The following HELZ variants were observed in gnomAD, a reference collection of about 807,000 sequenced individuals.
HELZ encodes the protein ATP-dependent RNA helicase with zinc finger domain.
A neutral mutation model predicts 218.2 loss-of-function variants in HELZ; 23 were observed. That is an observed-to-expected ratio of 0.11 (90% CI 0.08 to 0.15). The LOEUF (loss-of-function observed/expected upper bound fraction) is 0.15, where lower values mean the gene tolerates loss of function less well. Among genes scored for constraint, HELZ ranks in the 10% least tolerant of loss-of-function variants. The probability of loss-of-function intolerance (pLI) is 1.00; values close to 1 mark genes in which losing one functional copy is unlikely to be tolerated. For missense variants in HELZ, 1,813 were observed against 2,353.7 expected, an observed-to-expected ratio of 0.77 and a Z score of 4.75; for synonymous variants, 814 against 829.4, an observed-to-expected ratio of 0.98 and a Z score of 0.32.
chr17:67,133,227 C>T (rs2038041325), intron 23 of HELZ, among the ~76,000 whole-genome samples: 1 of 152,038 alleles, frequency 6.6e-6, no homozygotes, highest in Non-Finnish European at 1.5e-5. Flanking sequence ...TATACCTTGA[C>T]ACTTCCCAGC....
chr17:67,114,342 CT>C lies in HELZ; in HGVS notation c.3899del (p.Lys1300SerfsTer43). 3 of 1,610,480 alleles carry C rather than the reference CT, an allele frequency of 1.9e-6. No homozygotes were observed. The highest frequency in any genetic ancestry group is 1.3e-5 in the African/African-American group (1 of 74,932). Reference protein sequence around the residue: ...EINKIRTPEKKPTEPKQVDLE... With the variant: ...EINKIRTPEKXPTEPKQVDLE... ...AGCATACCTGTTTTGGTTCTGTTGG[CT>C]TTTTCTCTGGTGTTCGAATCTTATT... On this transcript the variant is annotated frameshift_variant, in exon 28 of 33. Coordinates refer to ENST00000358691, the MANE Select transcript of HELZ (RefSeq NM_014877.4). LOFTEE classifies it high-confidence loss of function.
intron 5 of HELZ, among the ~76,000 whole-genome samples, chr17:67,203,974 A>G (rs1056140608): frequency 6.6e-6 from 1 of 152,226 alleles, no homozygotes; most frequent in African/African-American, 2.4e-5. Context: ...TGCAGATTTA[A>G]TCTAATACAA....
rs561570887 is a variant in HELZ at position 67,213,791 on chromosome 17, A to G, written c.247+2108T>C. On this transcript the variant is annotated intron_variant, in intron 5 of 32. Transcript: ENST00000358691. Reference sequence around the variant, plus strand: ...ACTAGAACCACCTAAATGCCCATCAATACGGGAATGGTTGAATAAATAGCA... The same window carrying G: ...ACTAGAACCACCTAAATGCCCATCAGTACGGGAATGGTTGAATAAATAGCA... 2.0e-5 allele frequency among the ~76,000 whole-genome samples: 3 copies of G among 152,318 alleles called. No individual in the cohort carries two copies. The South Asian group carries it at 6.2e-4, about 32-fold the overall frequency.
chr17:67,226,710 G>A (rs1487748043), intron 3 of HELZ, among the ~76,000 whole-genome samples: 4 of 152,038 alleles, frequency 2.6e-5, no homozygotes, highest in African/African-American at 9.7e-5. Flanking sequence ...GTTCATAACA[G>A]TTCTATTCAT....
chr17:67,231,211 G>A (rs1280537607), intron 3 of HELZ, among the ~76,000 whole-genome samples: 2 of 152,300 alleles, frequency 1.3e-5, no homozygotes, highest in South Asian at 2.1e-4. Context: ...ATTCATTGCA[G>A]GATTCTGGAT....
At chr17:67,205,233 G>C (rs887364311) in intron 5 of HELZ, among the ~76,000 whole-genome samples, 2 of 151,900 alleles carry the variant, frequency 1.3e-5, no homozygotes, top group African/African-American at 4.8e-5. Flanking sequence ...GGCTGAGGCA[G>C]GAGAACCGCT....
intron 4 of HELZ, 63 bp from the exon 5 acceptor site, chr17:67,215,998 G>C: frequency 1.1e-6 from 1 of 932,124 alleles, no homozygotes; most frequent in Non-Finnish European, 1.7e-6. Context: ...CAGAGATGTT[G>C]TCAAAGGGAA....
At chr17:67,155,307 G>A (rs544866909) in intron 17 of HELZ, among the ~76,000 whole-genome samples, 1 of 152,126 alleles carries the variant, frequency 6.6e-6, no homozygotes, top group Non-Finnish European at 1.5e-5. Context: ...GGAGGAGCAA[G>A]TGAAATCCAG....
intron 16 of HELZ, 107 bp downstream of exon 16, chr17:67,160,790 T>G (rs2038973281): frequency 5.1e-6 from 4 of 785,276 alleles, no homozygotes; most frequent in East Asian, 2.8e-5. Context: ...TTTTTCATGT[T>G]TAAGAGCTGC....
Position 67,108,748 on chromosome 17 carries a change from AT to A in HELZ, c.4490-23del. The A allele has an allele frequency of 6.6e-7, 1 of 1,523,620 alleles. No individual in the cohort carries two copies. The allele number at this position is 1,523,620 out of a possible 1,614,324, so 94.4% of individuals were successfully genotyped here. On this transcript the variant is annotated intron_variant, in intron 29 of 32. Transcript: ENST00000358691. This position sits in a 1 kb window ranked among gnomAD's most constrained non-coding sequence, Gnocchi z 4.1. ...CGATCTGCAAAAATATTTGTGAAAA[AT>A]TTTTTATGAATTTGGGGTTTCAAGT...
At chr17:67,217,930 G>GTTTT (rs1316743927) in intron 4 of HELZ, among the ~76,000 whole-genome samples, 1 of 134,818 alleles carries the variant, frequency 7.4e-6, no homozygotes. Flanking sequence ...GTTTTTTGTT[G>GTTTT]TTTTTTTTTT....
chr17:67,082,105 G>A (rs1228535445), intron 32 of HELZ, among the ~76,000 whole-genome samples: 2 of 152,128 alleles, frequency 1.3e-5, no homozygotes, highest in African/African-American at 2.4e-5. Flanking sequence ...AAAACTATCC[G>A]GCTCCCCTCA....
In HELZ at chr17:67,070,700, C is replaced by T. The variant is rs1004327911; in HGVS notation, c.*7552G>A. On this transcript the variant is annotated 3_prime_UTR_variant, in exon 33 of 33. Coordinates refer to ENST00000358691, the MANE Select transcript of HELZ (RefSeq NM_014877.4). ...GTGGCTTTGGGGTTATTTTATGGTACAAAGTCACTTTTACTTTTAAGGATA... is the reference window on the plus strand; with the variant it reads ...GTGGCTTTGGGGTTATTTTATGGTATAAAGTCACTTTTACTTTTAAGGATA... 6.6e-6 allele frequency: 1 copy of T among 152,032 alleles called. No individual in the cohort carries two copies. The highest frequency in any genetic ancestry group is 2.4e-5 in the African/African-American group (1 of 41,398). The allele number at this position is 152,032 out of a possible 1,614,324, so 9.4% of individuals were successfully genotyped here. A position where few individuals can be genotyped will look rare whatever the true frequency, so the allele number is the denominator to read the frequency against.
chr17:67,148,135 C>T (rs886865742), intron 20 of HELZ, among the ~76,000 whole-genome samples: 4 of 152,134 alleles, frequency 2.6e-5, no homozygotes, highest in Admixed American at 6.5e-5. Flanking sequence ...CTTGTGACTG[C>T]TGGGGGGCCG....
At chr17:67,215,859 T>C (rs2040586082) in intron 5 of HELZ, 40 bp downstream of exon 5, 2 of 1,318,932 alleles carry the variant, frequency 1.5e-6, no homozygotes, top group Non-Finnish European at 2.2e-6. Context: ...ACCTTAAACA[T>C]TGTTCAATTC....
chr17:67,209,407 G>C (rs957299859), intron 5 of HELZ, among the ~76,000 whole-genome samples: 5 of 152,142 alleles, frequency 3.3e-5, no homozygotes, highest in Non-Finnish European at 5.9e-5. Flanking sequence ...AGACCAGCCT[G>C]ACCAGCATGG....
chr17:67,245,366 G>A (rs2041456075), upstream of HELZ: 6 of 728,486 alleles, frequency 8.2e-6, no homozygotes, highest in Admixed American at 6.3e-5. Context: ...CCCCCGGGCT[G>A]ACGGCATTGA....
chr17:67,189,645 C>T lies in HELZ; in HGVS notation c.808G>A (p.Val270Ile), dbSNP rs1405675039. Reference protein sequence around the residue: ...VKVEHNPDLSVTVSTKKSHQT... With the variant: ...VKVEHNPDLSITVSTKKSHQT... Reference sequence around the variant, plus strand: ...TGGGATTTTTTGGTGCTGACAGTAACTGACAGGTCAGGATTGTGCTCTACC... The same window carrying T: ...TGGGATTTTTTGGTGCTGACAGTAATTGACAGGTCAGGATTGTGCTCTACC... Residue 270 changes from valine (V) to isoleucine (I), a missense_variant, in exon 11 of 33, where the codon GTT becomes ATT. By Grantham distance (29) the Val-to-Ile change is conservative. Coordinates refer to ENST00000358691, the MANE Select transcript of HELZ (RefSeq NM_014877.4). 1 of 1,613,752 alleles carries T rather than the reference C, an allele frequency of 6.2e-7. No individual in the cohort carries two copies. The highest frequency in any genetic ancestry group is 1.3e-5 in the African/African-American group (1 of 75,018).
At chr17:67,218,573 CT>C in intron 4 of HELZ, 21 bp downstream of exon 4, 2 of 1,553,816 alleles carry the variant, frequency 1.3e-6, no homozygotes, top group Non-Finnish European at 1.8e-6. Flanking sequence ...TCAGCATTGG[CT>C]TATTGACAGT....
Sources: gnomAD v4.1 joint callset for allele counts (sites outside exome capture counted in the v4.1 genomes callset) on GRCh38, gnomAD v4.1.1 for gene constraint, Gnocchi (gnomAD v3.1) non-coding constraint, MANE v1.5 for transcripts, NCBI Gene and HGNC (gene_info 2026-07-23, HGNC 2026-07-21) for gene names.